The following KLHL32 variants were observed in gnomAD, a reference collection of about 807,000 sequenced individuals.
The protein encoded by KLHL32 is kelch like family member 32.
Under a neutral mutation model 64.8 loss-of-function variants are expected in KLHL32, and 35 were observed. The observed-to-expected ratio is 0.54, with a 90% CI of 0.41 to 0.72. The LOEUF is 0.72. Ranked by LOEUF, KLHL32 falls within the 30% of genes least tolerant of loss-of-function variation. KLHL32 has a pLI of 0.00. For missense variants in KLHL32, 589 were observed against 768.5 expected (o/e 0.77, Z 2.76); for synonymous variants, 259 against 281.0 (o/e 0.92, Z 0.78).
chr6:96,916,641 C>T, the KLHL32 span, among the ~76,000 whole-genome samples: 1 of 152,270 alleles, frequency 6.6e-6, no homozygotes, highest in African/African-American at 2.4e-5. Context: ...CCTCTGTGCA[C>T]ATAAAAATTA....
At chr6:97,036,606 G>A (rs1784328352) in intron 3 of KLHL32, among the ~76,000 whole-genome samples, 1 of 152,206 alleles carries the variant, frequency 6.6e-6, no homozygotes, top group African/African-American at 2.4e-5. Flanking sequence ...TGTGATGATG[G>A]GTGGGCTGTG....
rs528728825 is a variant in KLHL32, at chr6:97,096,778, T to C, written c.627+11437T>C. On this transcript the variant is annotated intron_variant, in intron 6 of 10. Transcript: ENST00000369261. ...TTGAGCTCTTAATGTTCTTACTGCTTTTAGAGAACTGTAAGGATTTTGGGG... is the reference window on the plus strand; with the variant it reads ...TTGAGCTCTTAATGTTCTTACTGCTCTTAGAGAACTGTAAGGATTTTGGGG... 2.3e-4 allele frequency among the ~76,000 whole-genome samples: 35 copies of C among 152,340 alleles called. No homozygotes were observed. The South Asian group carries it at 4.6e-3, about 20-fold the overall frequency.
chr6:97,022,770 C>G (rs1234165714), intron 3 of KLHL32, among the ~76,000 whole-genome samples: 2 of 152,080 alleles, frequency 1.3e-5, no homozygotes, highest in Non-Finnish European at 2.9e-5. Context: ...GCGCCCAGCC[C>G]TGATCACCTA....
Position 96,981,548 on chromosome 6 carries a change from C to T in KLHL32, c.204+5371C>T, listed in dbSNP as rs369669992. 1.9e-4 allele frequency among the ~76,000 whole-genome samples: 29 copies of T among 152,064 alleles called. 1 individual carries two copies. Among genetic ancestry groups the T allele is most frequent in the African/African-American group, 6.5e-4 (27 of 41,508 alleles). On this transcript the variant is annotated intron_variant, in intron 3 of 10. Transcript: ENST00000369261. ...TATATGATTTTTAGAATCTCAATTT[C>T]CTTCAGTTCAGCATTGATTTTGGTT...
chr6:97,099,723 CT>C (rs1795455806), intron 6 of KLHL32, among the ~76,000 whole-genome samples: 6 of 152,196 alleles, frequency 3.9e-5, no homozygotes, highest in Admixed American at 3.9e-4. Flanking sequence ...CCCTGCCCCC[CT>C]GTCTCTGCTG....
the KLHL32 span, chr6:96,914,768 GATC>G: frequency 6.6e-6 from 1 of 151,980 alleles, no homozygotes; most frequent in Non-Finnish European, 1.5e-5. Flanking sequence ...TCCCACAACT[GATC>G]ATCATGGGAG....
At chr6:97,105,119 G>A (rs889655403) in intron 6 of KLHL32, among the ~76,000 whole-genome samples, 7 of 152,072 alleles carry the variant, frequency 4.6e-5, no homozygotes, top group Non-Finnish European at 1.0e-4. Context: ...ATATTAAAAG[G>A]ATAACATGCT....
chr6:97,132,809 A>G (rs554892393), intron 10 of KLHL32, 62 bp downstream of exon 10: 21 of 1,122,686 alleles, frequency 1.9e-5, no homozygotes, highest in African/African-American at 1.4e-4. Flanking sequence ...ACATTTTGCA[A>G]TGCTGCTACT....
chr6:96,993,203 C>T (rs756314242), intron 3 of KLHL32, among the ~76,000 whole-genome samples: 5 of 152,190 alleles, frequency 3.3e-5, no homozygotes, highest in African/African-American at 9.7e-5. Flanking sequence ...ACAAAGTACC[C>T]GAAAACCTAG....
intron 1 of KLHL32, among the ~76,000 whole-genome samples, chr6:96,959,453 G>A (rs1353419745): frequency 6.6e-6 from 1 of 152,162 alleles, no homozygotes; most frequent in African/African-American, 2.4e-5. Flanking sequence ...TTCTTCTGAG[G>A]CCTCTCTCTT....
rs1800474688 is a variant in KLHL32, at chr6:97,139,680, T to A, written c.*398T>A. The A allele has an allele frequency of 6.5e-6, 1 of 154,766 alleles. No individual in the cohort carries two copies. The highest frequency in any genetic ancestry group is 1.4e-5 in the Non-Finnish European group (1 of 69,930). The allele number at this position is 154,766 out of a possible 1,614,324, so 9.6% of individuals were successfully genotyped here. On this transcript the variant is annotated 3_prime_UTR_variant, in exon 11 of 11. Coordinates refer to ENST00000369261, the MANE Select transcript of KLHL32 (RefSeq NM_052904.4). ...TATATTCTGTACTTAATCCCTTTATTATTTAAAGCCGGGCTTGTAATTTTT... is the reference window on the plus strand; with the variant it reads ...TATATTCTGTACTTAATCCCTTTATAATTTAAAGCCGGGCTTGTAATTTTT...
chr6:97,010,900 G>T (rs1780321877), intron 3 of KLHL32, among the ~76,000 whole-genome samples: 1 of 152,174 alleles, frequency 6.6e-6, no homozygotes, highest in African/African-American at 2.4e-5. Context: ...GAAGTACCAA[G>T]TTTACTATTC....
At chr6:97,013,502 T>A (rs1780685711) in intron 3 of KLHL32, among the ~76,000 whole-genome samples, 1 of 152,166 alleles carries the variant, frequency 6.6e-6, no homozygotes, top group Admixed American at 6.5e-5. Context: ...TTGTTTTTAC[T>A]AAGAAAGTCC....
At chr6:96,968,952 AG>A (rs2128036274) in intron 2 of KLHL32, among the ~76,000 whole-genome samples, 1 of 152,302 alleles carries the variant, frequency 6.6e-6, no homozygotes, top group African/African-American at 2.4e-5. Flanking sequence ...TGTTTGAGAA[AG>A]CCACAGCCAC....
intron 1 of KLHL32, among the ~76,000 whole-genome samples, chr6:96,932,506 T>C (rs1770032384): frequency 6.6e-6 from 1 of 151,656 alleles, no homozygotes; most frequent in Non-Finnish European, 1.5e-5. Context: ...GTGTCATTTG[T>C]AGGGTTTTCT....
At chr6:97,022,017 C>G (rs1000106987) in intron 3 of KLHL32, among the ~76,000 whole-genome samples, 5 of 150,808 alleles carry the variant, frequency 3.3e-5, no homozygotes, top group Admixed American at 6.6e-5. Flanking sequence ...TACTACCACC[C>G]TGGTCTAAAC....
intron 1 of KLHL32, among the ~76,000 whole-genome samples, chr6:96,936,716 A>G (rs1770645745): frequency 6.6e-6 from 1 of 152,198 alleles, no homozygotes; most frequent in Non-Finnish European, 1.5e-5. Context: ...TAAAACCTGA[A>G]TGAGGCTATA....
intron 3 of KLHL32, among the ~76,000 whole-genome samples, chr6:96,991,160 A>G (rs543883637): frequency 3.3e-5 from 5 of 149,606 alleles, no homozygotes; most frequent in East Asian, 2.0e-4. Flanking sequence ...TCCTTCCCCA[A>G]TGCAAGGGCA....
intron 3 of KLHL32, among the ~76,000 whole-genome samples, chr6:97,018,150 T>TGGA (rs201684071): frequency 1.4e-5 from 2 of 138,526 alleles, no homozygotes; most frequent in African/African-American, 6.6e-5. Flanking sequence ...TAATATTGAA[T>TGGA]CGAAACTTTT....
Sources: allele counts gnomAD v4.1 joint callset (sites outside exome capture counted in the v4.1 genomes callset), GRCh38; gene constraint gnomAD v4.1.1; transcripts MANE v1.5; gene names NCBI Gene and HGNC (gene_info 2026-07-23, HGNC 2026-07-21).